Variants in NPAS3 observed in about 807,000 individuals in gnomAD.
NPAS3 encodes neuronal PAS domain protein 3.
In NPAS3, 14 loss-of-function variants were observed where a neutral mutation model predicts 73.1. The ratio of observed to expected loss-of-function variants is 0.19; its 90% CI spans 0.13 to 0.30. NPAS3 has a LOEUF of 0.30. Among genes scored for constraint, NPAS3 ranks in the 10% least tolerant of loss-of-function variants. NPAS3 has a pLI of 1.00. For missense variants in NPAS3, 1,096 were observed against 1,250.0 expected (o/e 0.88, Z 1.86); for synonymous variants, 620 against 541.5 (o/e 1.14, Z -2.01).
chr14:33,050,101 G>A (rs2138484622), intron 1 of NPAS3, among the ~76,000 whole-genome samples: 1 of 152,206 alleles, frequency 6.6e-6, no homozygotes. Context: ...CAGACTCCTA[G>A]GTCACGTTAA....
intron 1 of NPAS3, among the ~76,000 whole-genome samples, chr14:33,043,052 T>C (rs1052236772): frequency 5.3e-5 from 8 of 152,148 alleles, no homozygotes; most frequent in Non-Finnish European, 7.4e-5. Flanking sequence ...TCTCCTCCAC[T>C]CAAATTTATT....
chr14:33,259,840 A>T (rs2048905668), intron 3 of NPAS3, among the ~76,000 whole-genome samples: 1 of 139,250 alleles, frequency 7.2e-6, no homozygotes, highest in Non-Finnish European at 1.5e-5. Context: ...AAAATAAATA[A>T]TAAGCAGCAG....
intron 2 of NPAS3, among the ~76,000 whole-genome samples, chr14:33,168,966 G>A (rs1053076661): frequency 6.6e-6 from 1 of 152,102 alleles, no homozygotes; most frequent in African/African-American, 2.4e-5. Context: ...AGATGAATTC[G>A]TTTTTCAAAA....
At chr14:33,271,520 T>G (rs964774646) in intron 3 of NPAS3, among the ~76,000 whole-genome samples, 1 of 152,034 alleles carries the variant, frequency 6.6e-6, no homozygotes, top group Non-Finnish European at 1.5e-5. Context: ...AGGCTTTCAT[T>G]TGGGTATTGT....
intron 2 of NPAS3, among the ~76,000 whole-genome samples, chr14:33,072,205 T>C (rs951290020): frequency 2.0e-4 from 30 of 152,248 alleles, no homozygotes; most frequent in Non-Finnish European, 2.9e-5. Context: ...TCTGTGTTTT[T>C]AAAAGTGTCA....
chr14:33,017,353 A>G (rs1329955887), intron 1 of NPAS3, among the ~76,000 whole-genome samples: 2 of 152,174 alleles, frequency 1.3e-5, no homozygotes, highest in Non-Finnish European at 2.9e-5. Context: ...CCTAGAGTAG[A>G]AAAATTCCCA....
chr14:33,673,563 C>T (rs1019214803), intron 5 of NPAS3, among the ~76,000 whole-genome samples: 2 of 152,186 alleles, frequency 1.3e-5, no homozygotes, highest in African/African-American at 2.4e-5. Flanking sequence ...AACAACAAGA[C>T]ATGTTTGCGG....
chr14:33,090,146 C>A (rs1054867990), intron 2 of NPAS3, among the ~76,000 whole-genome samples: 3 of 152,142 alleles, frequency 2.0e-5, no homozygotes, highest in Non-Finnish European at 4.4e-5. Flanking sequence ...TCACACATAA[C>A]AATATTAACC....
chr14:33,607,173 A>T (rs545374920), intron 5 of NPAS3, among the ~76,000 whole-genome samples: 4 of 152,196 alleles, frequency 2.6e-5, no homozygotes, highest in Non-Finnish European at 5.9e-5. Context: ...ACTCCTAGGT[A>T]TTTAAGAGAA....
chr14:33,740,030 G>A (rs1343986191), intron 7 of NPAS3, among the ~76,000 whole-genome samples: 8 of 152,044 alleles, frequency 5.3e-5, no homozygotes, highest in Admixed American at 1.3e-4. Flanking sequence ...ATAGCATTTT[G>A]AGATTTTACT....
chr14:33,620,178 C>T (rs1036259233), intron 5 of NPAS3, among the ~76,000 whole-genome samples: 6 of 152,078 alleles, frequency 3.9e-5, no homozygotes, highest in Non-Finnish European at 7.4e-5. Flanking sequence ...TGCGCACCGA[C>T]GAGAAGATGT....
chr14:33,573,340 T>C (rs2056304081), intron 5 of NPAS3, among the ~76,000 whole-genome samples: 1 of 152,182 alleles, frequency 6.6e-6, no homozygotes, highest in African/African-American at 2.4e-5. Flanking sequence ...CTTCAGGAGC[T>C]GGTTTCTGCA....
At chr14:33,123,287 T>C (rs1459427388) in intron 2 of NPAS3, among the ~76,000 whole-genome samples, 3 of 152,002 alleles carry the variant, frequency 2.0e-5, no homozygotes, top group Non-Finnish European at 4.4e-5. Flanking sequence ...GGGGACCTAC[T>C]AGAGACAAAG....
At chr14:33,412,483 C>T (rs1318485676) in intron 4 of NPAS3, among the ~76,000 whole-genome samples, 1 of 152,124 alleles carries the variant, frequency 6.6e-6, no homozygotes, top group Non-Finnish European at 1.5e-5. Context: ...TAGCTTTTCC[C>T]TTCTTCATCT....
chr14:33,196,216 C>A (rs974025027), intron 2 of NPAS3, among the ~76,000 whole-genome samples: 1 of 152,170 alleles, frequency 6.6e-6, no homozygotes, highest in African/African-American at 2.4e-5. Context: ...TGTACCTACC[C>A]AATTAGCTCT....
intron 6 of NPAS3, among the ~76,000 whole-genome samples, chr14:33,677,480 C>A (rs959220946): frequency 6.6e-6 from 1 of 151,936 alleles, no homozygotes; most frequent in Non-Finnish European, 1.5e-5. Context: ...AAAATAGATT[C>A]GTAATACAAA....
chr14:33,030,956 T>C (rs1022474919), intron 1 of NPAS3, among the ~76,000 whole-genome samples: 1 of 152,170 alleles, frequency 6.6e-6, no homozygotes, highest in South Asian at 2.1e-4. Context: ...TTTGACTGTG[T>C]TGGTGGAAGC....
intron 2 of NPAS3, among the ~76,000 whole-genome samples, chr14:33,187,461 C>G (rs2046019380): frequency 6.6e-6 from 1 of 151,258 alleles, no homozygotes; most frequent in Admixed American, 6.6e-5. Context: ...GAGTAATCTT[C>G]TAATGCAAAT....
chr14:33,677,038 G>T (rs186529821), intron 6 of NPAS3, among the ~76,000 whole-genome samples: 3 of 152,120 alleles, frequency 2.0e-5, no homozygotes, highest in Non-Finnish European at 2.9e-5. Context: ...GTGTTGTACT[G>T]ATGATAATTT....
Sources: gnomAD v4.1 joint callset for allele counts (sites outside exome capture counted in the v4.1 genomes callset) on GRCh38, gnomAD v4.1.1 for gene constraint, MANE v1.5 for transcripts, NCBI Gene and HGNC (gene_info 2026-07-23, HGNC 2026-07-21) for gene names.